TG: variants seen among roughly 807,000 people sequenced by gnomAD.
TG encodes thyroid hormones.
Under a neutral mutation model 324.7 loss-of-function variants are expected in TG, and 270 were observed. That is an observed-to-expected ratio of 0.83 (90% CI 0.75 to 0.92). TG has a LOEUF of 0.92. Ranked by LOEUF, TG falls within the 40% of genes least tolerant of loss-of-function variation. TG has a pLI of 0.00. For missense variants in TG, 3,591 were observed against 3,456.4 expected (o/e 1.04, Z -0.98); for synonymous variants, 1,401 against 1,327.0 (o/e 1.06, Z -1.21).
chr8:133,102,708 C>T, intron 43 of TG: 2 of 751,122 alleles, frequency 2.7e-6, no homozygotes, highest in Non-Finnish European at 4.5e-6. Flanking sequence ...AATTGACAGT[C>T]TGCCTACATT....
intron 15 of TG, 55 bp from the exon 16 acceptor site, chr8:132,901,298 C>T: frequency 6.2e-7 from 1 of 1,605,152 alleles, no homozygotes; most frequent in Non-Finnish European, 8.5e-7. Flanking sequence ...GATTGGGCAT[C>T]TGAGCAGGGA....
At position 132,882,521 on chromosome 8, in the gene TG, C is replaced by T; in HGVS notation, c.798C>T (p.Asp266=). ...EIYDTIFAGL[D]LPSTFTETTL... The stretch of plus-strand genomic sequence containing the variant: ...ATGACACCATTTTTGCTGGCCTGGA[C>T]CTTCCTTCCACCTTCACTGAAACCA... Residue 266 remains aspartate (D), a synonymous_variant, in exon 7 of 48, where the codon GAC becomes GAT. Coordinates refer to ENST00000220616, the MANE Select transcript of TG (RefSeq NM_003235.5). The T allele has an allele frequency of 6.2e-7, 1 of 1,614,208 alleles. No individual in the cohort carries two copies. The highest frequency in any genetic ancestry group is 8.5e-7 in the Non-Finnish European group (1 of 1,180,046).
chr8:132,967,420 G>A (rs1828786828), intron 30 of TG, among the ~76,000 whole-genome samples: 1 of 152,152 alleles, frequency 6.6e-6, no homozygotes, highest in African/African-American at 2.4e-5. Flanking sequence ...CAGGTGCAGG[G>A]AGACCATTCA....
intron 41 of TG, among the ~76,000 whole-genome samples, chr8:133,043,356 G>A (rs1663390409): frequency 1.3e-5 from 2 of 152,198 alleles, no homozygotes; most frequent in South Asian, 4.1e-4. Context: ...TCCGATGGTT[G>A]TTATTAAAAG....
intron 35 of TG, chr8:133,002,916 G>A: frequency 3.6e-6 from 3 of 825,168 alleles, no homozygotes; most frequent in Non-Finnish European, 4.5e-6. Context: ...GGTAACACCT[G>A]TGGGTTATAC....
At chr8:132,969,910 C>CAAA (rs11335158) in intron 32 of TG, among the ~76,000 whole-genome samples, 17 of 58,004 alleles carry the variant, frequency 2.9e-4, no homozygotes, top group South Asian at 7.5e-4. Flanking sequence ...GAGACTCTGT[C>CAAA]AAAAAAAAAA....
At chr8:133,133,923 G>A (rs1852149697) in intron 47 of TG, among the ~76,000 whole-genome samples, 1 of 152,158 alleles carries the variant, frequency 6.6e-6, no homozygotes, top group Non-Finnish European at 1.5e-5. Context: ...GTCTATGGGG[G>A]GTAGAATGCT....
At chr8:132,941,736 G>A (rs1050212530) in intron 26 of TG, among the ~76,000 whole-genome samples, 194 bp downstream of exon 26, 1 of 152,172 alleles carries the variant, frequency 6.6e-6, no homozygotes, top group South Asian at 2.1e-4. Context: ...CACTGTGCTG[G>A]CCCCTTCACC....
At chr8:132,992,582 A>T (rs1832472225) in intron 35 of TG, among the ~76,000 whole-genome samples, 1 of 152,210 alleles carries the variant, frequency 6.6e-6, no homozygotes. Flanking sequence ...GATGTGTCCC[A>T]CATTGGACTA....
In TG at chr8:132,972,601, G is replaced by C; in HGVS notation, c.6059G>C (p.Gly2020Ala). The C allele has an allele frequency of 1.2e-6, 2 of 1,610,698 alleles. No homozygotes were observed. Residue 2020 changes from glycine to alanine, a missense_variant, in exon 34 of 48, where the codon GGA becomes GCA. Physicochemically the swap from Gly to Ala is moderately conservative, Grantham distance 60. Transcript: ENST00000220616. ...GTTTTTTTTTTTTCCACCCCAGGAG[G>C]AGAGGTGACATGTCTCACTCTGAAC... ...GFLNVSQLKG[G>A]EVTCLTLNSL...
intron 43 of TG, among the ~76,000 whole-genome samples, chr8:133,111,623 G>A (rs547824647): frequency 1.8e-4 from 27 of 152,310 alleles, no homozygotes; most frequent in East Asian, 5.8e-4. Flanking sequence ...TCTCAGATGC[G>A]TTGTAGATGG....
At chr8:133,126,671 C>A (rs933481520) in intron 45 of TG, among the ~76,000 whole-genome samples, 1 of 152,014 alleles carries the variant, frequency 6.6e-6, no homozygotes. Flanking sequence ...ATTTGGAAAG[C>A]AAATAATTAC....
chr8:132,925,605 T>C (rs188624762), intron 22 of TG, among the ~76,000 whole-genome samples: 55 of 151,742 alleles, frequency 3.6e-4, no homozygotes, highest in Admixed American at 7.2e-4. Flanking sequence ...CCAACATCCC[T>C]CTTCTTGGGC....
chr8:132,887,998 C>A lies in TG; in HGVS notation c.2191C>A (p.Gln731Lys). The stretch of plus-strand genomic sequence containing the variant: ...TTCCTCCCCAGGCCCCACGCCCTGT[C>A]AATTACAGTCTGAGCAAGCTTTCCT... ...GKPKKCPTPC[Q>K]LQSEQAFLRT... Residue 731 changes from glutamine to lysine, a missense_variant, in exon 10 of 48, where the codon CAA becomes AAA. Transcript: ENST00000220616. 1 of 1,613,966 alleles carries A rather than the reference C, an allele frequency of 6.2e-7. No individual in the cohort carries two copies. The highest frequency in any genetic ancestry group is 8.5e-7 in the Non-Finnish European group (1 of 1,179,944).
chr8:132,907,046 G>A, intron 17 of TG, 146 bp downstream of exon 17: 3 of 807,490 alleles, frequency 3.7e-6, no homozygotes, highest in South Asian at 3.0e-5. Flanking sequence ...AGATGGGAGA[G>A]AGTCCCATGG....
chr8:132,957,742 TACACACACACACAC>T (rs6150825), intron 27 of TG, among the ~76,000 whole-genome samples: 6 of 41,546 alleles, frequency 1.4e-4, no homozygotes, highest in Admixed American at 3.3e-4. Flanking sequence ...CATGGTAAAC[TACACACACACACAC>T]ACACACACAC....
intron 35 of TG, among the ~76,000 whole-genome samples, chr8:132,983,906 GC>G (rs1831209382): frequency 6.6e-6 from 1 of 152,204 alleles, no homozygotes; most frequent in African/African-American, 2.4e-5. Flanking sequence ...GTGCCCAGGT[GC>G]CCGGTAACAT....
At chr8:133,005,564 A>T (rs1833948936) in intron 35 of TG, among the ~76,000 whole-genome samples, 1 of 152,194 alleles carries the variant, frequency 6.6e-6, no homozygotes, top group Admixed American at 6.5e-5. Flanking sequence ...TTGTGGTTAC[A>T]ACCCTAGGAG....
At chr8:133,012,183 G>A in intron 36 of TG, 148 bp downstream of exon 36, 2 of 1,217,718 alleles carry the variant, frequency 1.6e-6, no homozygotes, top group Non-Finnish European at 2.3e-6. Flanking sequence ...GAAGACCTGG[G>A]TGAAGTCTCC....
Sources: gnomAD v4.1 joint callset for allele counts (sites outside exome capture counted in the v4.1 genomes callset) on GRCh38, gnomAD v4.1.1 for gene constraint, MANE v1.5 for transcripts, NCBI Gene and HGNC (gene_info 2026-07-23, HGNC 2026-07-21) for gene names.